DHRS4L2: variants seen among roughly 807,000 people sequenced by gnomAD.
DHRS4L2 encodes dehydrogenase/reductase SDR family member 4-like 2.
In DHRS4L2, 22 loss-of-function variants were observed where a neutral mutation model predicts 23.9. The ratio of observed to expected loss-of-function variants is 0.92; its 90% CI spans 0.66 to 1.31. The LOEUF is 1.31. Among genes scored for constraint, DHRS4L2 ranks in the 40% most tolerant of loss-of-function variants. The pLI is 0.00. For synonymous variants in DHRS4L2, 141 were observed against 123.7 expected (o/e 1.14, Z -0.93); for missense variants, 385 against 303.3 (o/e 1.27, Z -2.00).
At chr14:23,988,756 G>A, upstream of DHRS4L2, 1 of 1,388,586 alleles carries the variant, frequency 7.2e-7, no homozygotes, top group Non-Finnish European at 9.4e-7. Flanking sequence ...CCCCAGTCAG[G>A]CGGAAGGTAG....
At chr14:23,980,604 C>T (rs1282578813) in intron 1 of DHRS4L2, among the ~76,000 whole-genome samples, 1 of 148,972 alleles carries the variant, frequency 6.7e-6, no homozygotes, top group Non-Finnish European at 1.5e-5. Flanking sequence ...AGCTTATCCA[C>T]CATGATCAAG....
At chr14:23,988,668 G>A (rs1282485664), upstream of DHRS4L2, 8 of 688,352 alleles carry the variant, frequency 1.2e-5, no homozygotes, top group African/African-American at 3.7e-5. Flanking sequence ...GGTTCCTGCG[G>A]GGGCCAGGGG....
intron 1 of DHRS4L2, among the ~76,000 whole-genome samples, chr14:23,982,507 A>G (rs1170412197): frequency 1.3e-5 from 2 of 150,180 alleles, no homozygotes; most frequent in Non-Finnish European, 3.0e-5. Context: ...AAGACAATCC[A>G]AAGCAAAAAG....
In DHRS4L2 at chr14:24,001,104, C is replaced by T. The variant is rs769155524; in HGVS notation, c.531+20C>T. The T allele has an allele frequency of 6.2e-6, 10 of 1,610,242 alleles. No individual in the cohort carries two copies. The East Asian group carries it at 1.3e-4, about 22-fold the overall frequency. On this transcript the variant is annotated intron_variant, in intron 5 of 7. Transcript: ENST00000335125. ...TCTCCTGTAAGAACCCTTTTGTCTACCTCTTCCATCCCACCCTCCACTCCA... is the reference window on the plus strand; with the variant it reads ...TCTCCTGTAAGAACCCTTTTGTCTATCTCTTCCATCCCACCCTCCACTCCA...
Position 23,989,073 on chromosome 14 carries a change from C to A in DHRS4L2, c.126C>A (p.Asp42Glu). ...NKVALVTAST[D>E]GIGFAIARRL... The stretch of plus-strand genomic sequence containing the variant: ...TGGCCCTGGTAACGGCCTCCACCGA[C>A]GGGTGAGTGTTGGTGCCGGAGTTTC... Residue 42 changes from aspartate to glutamate, a missense_variant and splice_region_variant, in exon 1 of 8, where the codon GAC (aspartate) becomes GAA (glutamate). Transcript: ENST00000335125. 6.4e-7 allele frequency: 1 copy of A among 1,570,056 alleles called. No homozygotes were observed. The highest frequency in any genetic ancestry group is 8.6e-7 in the Non-Finnish European group (1 of 1,157,972).
chr14:23,980,657 A>G (rs2034034923), intron 1 of DHRS4L2, among the ~76,000 whole-genome samples: 1 of 150,158 alleles, frequency 6.7e-6, no homozygotes, highest in African/African-American at 2.5e-5. Flanking sequence ...AACATAAGCA[A>G]ATCAATAAAC....
chr14:23,987,593 G>T (rs926516255), upstream of DHRS4L2, among the ~76,000 whole-genome samples: 1 of 151,650 alleles, frequency 6.6e-6, no homozygotes, highest in African/African-American at 2.4e-5. Context: ...CCAAACTGGT[G>T]ATTTCACCAA....
At chr14:23,981,032 T>C (rs191151859) in intron 1 of DHRS4L2, among the ~76,000 whole-genome samples, 1 of 151,802 alleles carries the variant, frequency 6.6e-6, no homozygotes, top group Non-Finnish European at 1.5e-5. Context: ...TGTTTGCAGA[T>C]GACATGATTG....
chr14:23,995,547 A>C (rs2332153), intron 3 of DHRS4L2, among the ~76,000 whole-genome samples: 313 of 148,298 alleles, frequency 2.1e-3, no homozygotes, highest in Non-Finnish European at 3.3e-3. Context: ...AAATGCTGCT[A>C]GTTATTTAAA....
rs895333527 is a variant in DHRS4L2, at chr14:23,978,982, A to G, written c.-176+8650A>G. On this transcript the variant is annotated intron_variant, in intron 1 of 5. Coordinates refer to the DHRS4L2 transcript ENST00000534993. ...AAATGTAAACAGGCTAAGTGCCCCA[A>G]GTAAAAGACACAGACTGGCAAATTG... 5.0e-4 allele frequency among the ~76,000 whole-genome samples: 72 copies of G among 143,756 alleles called. 4 individuals are homozygous for G. Among genetic ancestry groups the G allele is most frequent in the Non-Finnish European group, 1.8e-4 (12 of 66,146 alleles). The allele number at this position is 143,756 out of a possible 152,430, so 94.3% of individuals were successfully genotyped here. A position where few individuals can be genotyped will look rare whatever the true frequency, so the allele number is the denominator to read the frequency against.
rs992946931 is a variant in DHRS4L2, at chr14:24,001,305, C to A, written c.532-79C>A. 2.3e-5 allele frequency: 36 copies of A among 1,576,804 alleles called. 1 individual carries two copies. Among genetic ancestry groups the A allele is most frequent in the Non-Finnish European group, 2.9e-5 (34 of 1,165,550 alleles). On this transcript the variant is annotated intron_variant, in intron 5 of 7. Transcript: ENST00000335125. ...TCCCTTACAGGAGATCCCTACTGAG[C>A]ACTGCCCTCTATGTCTAGTTATTAG...
rs768484737 is a variant in DHRS4L2 at position 23,990,345 on chromosome 14, C to T, written c.292C>T (p.Arg98Trp). 2.0e-5 allele frequency: 32 copies of T among 1,610,640 alleles called. 1 individual carries two copies. Among genetic ancestry groups the T allele is most frequent in the Admixed American group, 6.7e-5 (4 of 59,760 alleles). Reference sequence around the variant, plus strand: ...TGTGGGGAAGGCGGAGGACCGGGAGCGGCTGGTGGCCATGGTGAGCTGCAG... The same window carrying T: ...TGTGGGGAAGGCGGAGGACCGGGAGTGGCTGGTGGCCATGGTGAGCTGCAG... ...CHVGKAEDRE[R>W]LVAMAVKLHG... The change falls in exon 2 of 8, where the codon CGG becomes TGG. Residue 98 changes from arginine (R) to tryptophan (W), a missense_variant. By Grantham distance (101) the Arg-to-Trp change is moderately radical. Transcript: ENST00000335125.
At chr14:23,974,259 G>A (rs112824005) in intron 1 of DHRS4L2, among the ~76,000 whole-genome samples, 2,277 of 148,580 alleles carry the variant, frequency 0.015, 26 homozygotes, top group African/African-American at 0.035. Context: ...GTGTGTAGAG[G>A]GATATTTACA....
At chr14:24,000,158 T>C (rs1445589071) in intron 3 of DHRS4L2, among the ~76,000 whole-genome samples, 9 of 143,424 alleles carry the variant, frequency 6.3e-5, no homozygotes, top group Middle Eastern at 3.4e-3. Context: ...ATGTGAACAA[T>C]TGGTGACTCT....
rs759849030 is a variant in DHRS4L2, at chr14:24,001,419, G to C, written c.567G>C (p.Leu189Phe). The C allele has an allele frequency of 6.2e-7, 1 of 1,608,000 alleles. No homozygotes were observed. Among genetic ancestry groups the C allele is most frequent in the South Asian group, 1.1e-5 (1 of 90,858 alleles). ...CTTACAATGTCAGTAAAACAGCCTTGCTGGGCCTCAACAATACCCTGGCCA... is the reference window on the plus strand; with the variant it reads ...CTTACAATGTCAGTAAAACAGCCTTCCTGGGCCTCAACAATACCCTGGCCA... Reference protein sequence around the residue: ...FSPYNVSKTALLGLNNTLAIE... With the variant: ...FSPYNVSKTAFLGLNNTLAIE... The change falls in exon 6 of 8, where the codon TTG (leucine) becomes TTC (phenylalanine). Residue 189 changes from leucine (L) to phenylalanine (F), a missense_variant. Physicochemically the swap from Leu to Phe is conservative, Grantham distance 22. Coordinates refer to ENST00000335125, the MANE Select transcript of DHRS4L2 (RefSeq NM_198083.4).
chr14:24,001,623 C>A, intron 6 of DHRS4L2, 106 bp downstream of exon 6: 1 of 1,496,406 alleles, frequency 6.7e-7, no homozygotes, highest in Non-Finnish European at 8.9e-7. Context: ...CCACTCCATT[C>A]TCCTTCCCTG....
At chr14:23,986,663 C>T (rs1259306461), upstream of DHRS4L2, among the ~76,000 whole-genome samples, 1 of 151,514 alleles carries the variant, frequency 6.6e-6, no homozygotes, top group Non-Finnish European at 1.5e-5. Flanking sequence ...TGTGGTCTTC[C>T]TCACTTTCCT....
At chr14:23,993,171 C>G (rs1436129562) in intron 2 of DHRS4L2, among the ~76,000 whole-genome samples, 1 of 151,442 alleles carries the variant, frequency 6.6e-6, no homozygotes, top group Non-Finnish European at 1.5e-5. Context: ...GTGCACATCA[C>G]TTATTAACTT....
At chr14:23,991,477 G>GAAAAAAC (rs2034267989) in intron 2 of DHRS4L2, among the ~76,000 whole-genome samples, 3 of 151,766 alleles carry the variant, frequency 2.0e-5, no homozygotes. Flanking sequence ...AAAACAACCT[G>GAAAAAAC]TGCCCCCCAC....
Sources: gnomAD v4.1 joint callset for allele counts (sites outside exome capture counted in the v4.1 genomes callset) on GRCh38, gnomAD v4.1.1 for gene constraint, MANE v1.5 for transcripts, NCBI Gene and HGNC (gene_info 2026-07-23, HGNC 2026-07-21) for gene names.